Variants in TBCA observed in about 807,000 individuals in gnomAD.
The protein encoded by TBCA is tubulin-specific chaperone A.
Under a neutral mutation model 15.8 loss-of-function variants are expected in TBCA, and 6 were observed. The ratio of observed to expected loss-of-function variants is 0.38; its 90% confidence interval spans 0.21 to 0.75. The LOEUF (loss-of-function observed/expected upper bound fraction) is 0.75. Ranked by LOEUF, TBCA falls within the 30% of genes least tolerant of loss-of-function variation. The pLI is 0.46. For missense variants in TBCA, 90 were observed against 131.2 expected (o/e 0.69, Z 1.53); for synonymous variants, 32 against 42.3 (o/e 0.76, Z 0.94).
intron 1 of TBCA, among the ~76,000 whole-genome samples, chr5:77,711,291 C>G (rs1746273314): frequency 6.6e-6 from 1 of 152,060 alleles, no homozygotes; most frequent in Non-Finnish European, 1.5e-5. Context: ...GATAGAAGAA[C>G]CATATGGCCT....
chr5:77,769,657 T>C (rs896014908), intron 1 of TBCA, among the ~76,000 whole-genome samples: 1 of 150,676 alleles, frequency 6.6e-6, no homozygotes, highest in African/African-American at 2.5e-5. Context: ...TTGGGAACAA[T>C]GCTTGCTTTA....
intron 1 of TBCA, among the ~76,000 whole-genome samples, chr5:77,768,416 G>A (rs1747834172): frequency 6.6e-6 from 1 of 152,186 alleles, no homozygotes; most frequent in Non-Finnish European, 1.5e-5. Flanking sequence ...GTAATAACGT[G>A]TAGTAAGTGG....
chr5:77,731,605 T>G (rs1746770834), intron 1 of TBCA, among the ~76,000 whole-genome samples: 1 of 152,184 alleles, frequency 6.6e-6, no homozygotes, highest in Non-Finnish European at 1.5e-5. Context: ...GTGTAAGAGC[T>G]CTCTCTATAT....
intron 1 of TBCA, among the ~76,000 whole-genome samples, chr5:77,713,778 T>C (rs967770673): frequency 2.6e-5 from 4 of 152,092 alleles, no homozygotes; most frequent in Non-Finnish European, 5.9e-5. Flanking sequence ...TATTAAAGTT[T>C]ACACCACAGC....
In TBCA at chr5:77,765,063, C is replaced by T. The variant is rs190921168; in HGVS notation, c.53+11142G>A. ...ATGTTAGCAAAAATAACCTATTTTG[C>T]GAAAAATAATCTTACTTTCCAAAAC... On this transcript the variant is annotated intron_variant, in intron 1 of 3. Coordinates refer to ENST00000380377, the MANE Select transcript of TBCA (RefSeq NM_004607.3). 3.9e-3 allele frequency among the ~76,000 whole-genome samples: 594 copies of T among 151,854 alleles called. 2 individuals carry two copies. The highest frequency in any genetic ancestry group is 6.5e-3 in the Non-Finnish European group (439 of 67,926).
intron 1 of TBCA, among the ~76,000 whole-genome samples, chr5:77,742,762 C>A (rs1327880317): frequency 1.3e-5 from 2 of 152,160 alleles, no homozygotes; most frequent in Admixed American, 6.5e-5. Flanking sequence ...ATCCAACACT[C>A]GATCTCAATG....
intron 1 of TBCA, among the ~76,000 whole-genome samples, chr5:77,746,284 TA>T (rs1269553434): frequency 6.6e-6 from 1 of 151,994 alleles, no homozygotes; most frequent in Non-Finnish European, 1.5e-5. Flanking sequence ...TAAATAAAAA[TA>T]AATAATTTTT....
At chr5:77,741,423 AGAG>A (rs2112480535) in intron 1 of TBCA, among the ~76,000 whole-genome samples, 1 of 152,326 alleles carries the variant, frequency 6.6e-6, no homozygotes, top group African/African-American at 2.4e-5. Context: ...TTTTATTCCA[AGAG>A]GAGGTAATAA....
intron 3 of TBCA, chr5:77,692,911 C>G (rs1002461777): frequency 3.3e-6 from 4 of 1,222,176 alleles, no homozygotes; most frequent in Non-Finnish European, 4.1e-6. Context: ...AACATTAGAT[C>G]TTTTAAAATT....
intron 1 of TBCA, among the ~76,000 whole-genome samples, chr5:77,723,078 G>A (rs937896111): frequency 6.6e-6 from 1 of 151,388 alleles, no homozygotes; most frequent in Admixed American, 6.6e-5. Flanking sequence ...ACCATCTTGT[G>A]TATTATCAAG....
At chr5:77,739,369 G>A (rs138033652) in intron 1 of TBCA, among the ~76,000 whole-genome samples, 1,732 of 152,304 alleles carry the variant, frequency 0.011, 14 homozygotes, top group Non-Finnish European at 0.019. Flanking sequence ...GCTGAGGCAC[G>A]AGCGTCGCTT....
intron 1 of TBCA, among the ~76,000 whole-genome samples, chr5:77,714,933 A>G (rs1746364905): frequency 6.6e-6 from 1 of 152,242 alleles, no homozygotes; most frequent in Admixed American, 6.5e-5. Context: ...ACAGCAATGA[A>G]CTACAAAAAT....
intron 1 of TBCA, among the ~76,000 whole-genome samples, chr5:77,724,139 T>C (rs1450865931): frequency 2.6e-5 from 4 of 152,088 alleles, no homozygotes; most frequent in Admixed American, 2.6e-4. Context: ...AAATTTACTT[T>C]TTATAGATAC....
At chr5:77,765,822 A>G (rs542803578) in intron 1 of TBCA, among the ~76,000 whole-genome samples, 1 of 149,792 alleles carries the variant, frequency 6.7e-6, no homozygotes, top group South Asian at 2.2e-4. Flanking sequence ...TATGTGTTCT[A>G]GGGGCCATAT....
At chr5:77,751,203 T>C (rs1747329586) in intron 1 of TBCA, among the ~76,000 whole-genome samples, 1 of 141,028 alleles carries the variant, frequency 7.1e-6, no homozygotes, top group South Asian at 2.3e-4. Context: ...TTCGCTCTTG[T>C]TGCCCTGGAG....
intron 2 of TBCA, among the ~76,000 whole-genome samples, chr5:77,694,793 C>T (rs1439431888): frequency 6.6e-6 from 1 of 152,104 alleles, no homozygotes; most frequent in Non-Finnish European, 1.5e-5. Flanking sequence ...AAACAAAAAT[C>T]TCAATTATAA....
chr5:77,734,892 C>A (rs927005707), intron 1 of TBCA, among the ~76,000 whole-genome samples: 5 of 152,170 alleles, frequency 3.3e-5, no homozygotes, highest in Non-Finnish European at 7.3e-5. Flanking sequence ...CAGCAGCCAT[C>A]AACGTTGAGG....
chr5:77,757,519 C>T (rs572805460), intron 1 of TBCA, among the ~76,000 whole-genome samples: 1 of 152,086 alleles, frequency 6.6e-6, no homozygotes, highest in African/African-American at 2.4e-5. Flanking sequence ...ACAACAACAA[C>T]AAAAAACAAC....
intron 1 of TBCA, among the ~76,000 whole-genome samples, chr5:77,752,057 T>C (rs1326185662): frequency 2.0e-5 from 3 of 152,184 alleles, no homozygotes; most frequent in African/African-American, 7.2e-5. Flanking sequence ...TCGTCAGCAA[T>C]TGTTTAATTG....
Sources: gnomAD v4.1 joint callset for allele counts (sites outside exome capture counted in the v4.1 genomes callset) on GRCh38, gnomAD v4.1.1 for gene constraint, MANE v1.5 for transcripts, NCBI Gene and HGNC (gene_info 2026-07-23, HGNC 2026-07-21) for gene names.